The following BCOR variants were observed in gnomAD, a reference collection of about 807,000 sequenced individuals.
BCOR encodes the protein BCL-6 corepressor.
A neutral mutation model predicts 86.7 loss-of-function variants in BCOR; 10 were observed. The observed-to-expected ratio is 0.12, with a 90% CI of 0.07 to 0.20. The LOEUF (loss-of-function observed/expected upper bound fraction) is 0.20. Ranked by LOEUF, BCOR falls within the 10% of genes least tolerant of loss-of-function variation. The pLI is 1.00. For missense variants in BCOR, 1,259 were observed against 1,452.1 expected, an observed-to-expected ratio of 0.87 and a Z score of 2.16; for synonymous variants, 611 against 609.0, an observed-to-expected ratio of 1.00 and a Z score of -0.05.
intron 6 of BCOR, among the ~76,000 whole-genome samples, chrX:40,068,484 C>G (rs1019070224): frequency 1.8e-5 from 2 of 112,457 alleles, no homozygotes; most frequent in African/African-American, 6.5e-5. Context: ...TTCACTTTCA[C>G]TCAACGCTTT....
intron 1 of BCOR, among the ~76,000 whole-genome samples, chrX:40,112,051 G>A (rs1937320811): frequency 9.0e-6 from 1 of 110,712 alleles, no homozygotes; most frequent in Admixed American, 9.6e-5. Flanking sequence ...CCGGGGTGGG[G>A]GGGCGGCGTT....
At chrX:40,067,817 G>A (rs749654013) in intron 6 of BCOR, among the ~76,000 whole-genome samples, 2 of 111,777 alleles carry the variant, frequency 1.8e-5, no homozygotes, top group Non-Finnish European at 3.8e-5. Flanking sequence ...CTATGAGGGA[G>A]AGGCTCCAGG....
chrX:40,056,416 G>A (rs1439902769), intron 11 of BCOR, among the ~76,000 whole-genome samples: 1 of 110,482 alleles, frequency 9.1e-6, no homozygotes, highest in Non-Finnish European at 1.9e-5. Flanking sequence ...CAGAAGCCAA[G>A]GGAACGGTGG....
chrX:40,161,348 C>T (rs1179110658), intron 1 of BCOR, among the ~76,000 whole-genome samples: 1 of 100,894 alleles, frequency 9.9e-6, no homozygotes, highest in African/African-American at 3.7e-5. Flanking sequence ...CTGGGATTAG[C>T]GCCACCATGC....
intron 12 of BCOR, among the ~76,000 whole-genome samples, chrX:40,055,022 C>T (rs1013269496): frequency 4.5e-5 from 5 of 112,292 alleles, no homozygotes; most frequent in African/African-American, 1.6e-4. Flanking sequence ...AATGGGTTAT[C>T]TGATGACCTA....
intron 1 of BCOR, among the ~76,000 whole-genome samples, chrX:40,108,565 G>A (rs868546086): frequency 1.8e-5 from 2 of 113,406 alleles, no homozygotes; most frequent in Non-Finnish European, 3.7e-5. Flanking sequence ...ATGGCCTCCC[G>A]GGCCCCTCCA....
At chrX:40,108,676 C>T in intron 1 of BCOR, among the ~76,000 whole-genome samples, 2 of 113,381 alleles carry the variant, frequency 1.8e-5, no homozygotes, top group East Asian at 5.6e-4. Flanking sequence ...TAACGAGTCG[C>T]CTCGGGCCTC....
rs1163442749 is a variant in BCOR, at chrX:40,051,741, C to G, written c.*368G>C. ...AACCAACCACACAGTTCTGACCACTCTACAGTCATGGCCTGTCATCAGAGC... is the reference window on the plus strand; with the variant it reads ...AACCAACCACACAGTTCTGACCACTGTACAGTCATGGCCTGTCATCAGAGC... On this transcript the variant is annotated 3_prime_UTR_variant, in exon 15 of 15. Transcript: ENST00000378444. 1.0e-5 allele frequency: 2 copies of G among 197,147 alleles called. No homozygotes were observed. The highest frequency in any genetic ancestry group is 1.9e-5 in the Non-Finnish European group (2 of 106,695). 16.2% of individuals were successfully genotyped at this position (197,147 alleles called of 1,213,427 possible).
chrX:40,143,643 T>C (rs1028116724), intron 1 of BCOR, among the ~76,000 whole-genome samples: 3 of 112,703 alleles, frequency 2.7e-5, no homozygotes, highest in African/African-American at 9.7e-5. Context: ...GATTCTTAAG[T>C]TATAACAAAT....
intron 10 of BCOR, among the ~76,000 whole-genome samples, chrX:40,060,044 C>T (rs183922563): frequency 2.0e-3 from 223 of 111,987 alleles, no homozygotes; most frequent in African/African-American, 7.0e-3. Flanking sequence ...ATCTTTTTAG[C>T]TAAGCAGAAG....
chrX:40,105,002 G>A (rs1476137537), intron 1 of BCOR, among the ~76,000 whole-genome samples: 9 of 111,075 alleles, frequency 8.1e-5, no homozygotes, highest in African/African-American at 2.6e-4. Flanking sequence ...GCTCGGTTCC[G>A]CGTTCCTGGG....
rs1408874365 is a variant in BCOR, at chrX:40,064,257, T to G, written c.3502+79A>C. ...GTCTACGGGGGCAGCGCGCCGCACA[T>G]CCACATCTCCTGTCCATCCACTGTG... On this transcript the variant is annotated intron_variant, in intron 7 of 14. Coordinates refer to ENST00000378444, the MANE Select transcript of BCOR (RefSeq NM_001123385.2). 5 of 1,178,998 alleles carry G rather than the reference T, an allele frequency of 4.2e-6. No homozygotes were observed. The African/African-American group carries it at 8.8e-5, about 21-fold the overall frequency.
At chrX:40,086,697 G>A (rs1215281387) in intron 1 of BCOR, among the ~76,000 whole-genome samples, 1 of 113,815 alleles carries the variant, frequency 8.8e-6, no homozygotes, top group African/African-American at 3.2e-5. Context: ...CGCTGCTCGC[G>A]CGCCAACAGC....
chrX:40,055,869 T>C (rs1934567619), intron 11 of BCOR, among the ~76,000 whole-genome samples: 1 of 108,776 alleles, frequency 9.2e-6, no homozygotes, highest in Non-Finnish European at 1.9e-5. Context: ...CTGTCCAGGC[T>C]GGAGTGCAGT....
rs1935019463 is a variant in BCOR at position 40,063,609 on chromosome X, T to C, written c.3846A>G (p.Gln1282=). ...ACTCAAGGGGTGGCCCCCGCATACCTTGTTCATTGTCACTGGGTTTAAGAG... is the reference window on the plus strand; with the variant it reads ...ACTCAAGGGGTGGCCCCCGCATACCCTGTTCATTGTCACTGGGTTTAAGAG... ...EESLKPSDNE[Q]GLPVFSGSPP... The change falls in exon 8 of 15, where the codon CAA becomes CAG. Residue 1282 remains glutamine (Q), a splice_region_variant and synonymous_variant. Transcript: ENST00000378444. 2 of 1,206,780 alleles carry C rather than the reference T, an allele frequency of 1.7e-6. No homozygotes were observed. Among genetic ancestry groups the C allele is most frequent in the Non-Finnish European group, 2.2e-6 (2 of 891,983 alleles).
chrX:40,108,442 C>G (rs1937235377), intron 1 of BCOR, among the ~76,000 whole-genome samples: 1 of 113,677 alleles, frequency 8.8e-6, no homozygotes, highest in African/African-American at 3.2e-5. Flanking sequence ...AGGCCTGGAC[C>G]AGGGGAGGGA....
In BCOR at chrX:40,075,227, C is replaced by G. The variant is rs1935743833; in HGVS notation, c.166-47G>C. 2.7e-6 allele frequency: 3 copies of G among 1,097,396 alleles called. No homozygotes were observed. In the Admixed American group the frequency reaches 7.5e-5, roughly 27 times the overall value. The allele number at this position is 1,097,396 out of a possible 1,213,427, so 90.4% of individuals were successfully genotyped here. ...GTGTTACTGGGATACTCCTTCAAGG[C>G]AGCAGCACCCAAAGACACTGCCAAC... On this transcript the variant is annotated intron_variant, in intron 3 of 14. Coordinates refer to ENST00000378444, the MANE Select transcript of BCOR (RefSeq NM_001123385.2).
In BCOR at chrX:40,051,808, A is replaced by ATT. The variant is rs35289701; in HGVS notation, c.*299_*300dup. 35,565 of 223,068 alleles carry ATT rather than the reference A, an allele frequency of 0.16. 2,194 individuals carry two copies. The highest frequency in any genetic ancestry group is 0.21 in the African/African-American group (7,192 of 34,145). The allele number at this position is 223,068 out of a possible 1,213,427, so 18.4% of individuals were successfully genotyped here. A position where few individuals can be genotyped will look rare whatever the true frequency, so the allele number is the denominator to read the frequency against. On this transcript the variant is annotated 3_prime_UTR_variant, in exon 15 of 15. Coordinates refer to ENST00000378444, the MANE Select transcript of BCOR (RefSeq NM_001123385.2). ...TCAAAGTGTGGAGCTCCTTTTACTC[A>ATT]TTTTTTTTTCTCCTTAAAAAAGAAA...
intron 1 of BCOR, among the ~76,000 whole-genome samples, chrX:40,174,379 A>G (rs1938696338): frequency 9.0e-6 from 1 of 110,570 alleles, no homozygotes; most frequent in South Asian, 3.8e-4. Context: ...CTCCGGAACA[A>G]ACCCGCAGCC....
Sources: allele counts gnomAD v4.1 joint callset (sites outside exome capture counted in the v4.1 genomes callset), GRCh38; gene constraint gnomAD v4.1.1; transcripts MANE v1.5; gene names NCBI Gene and HGNC (gene_info 2026-07-23, HGNC 2026-07-21).